The following ACTN4 variants were observed in gnomAD, a reference collection of about 807,000 sequenced individuals.
ACTN4 encodes the protein alpha-actinin-4.
A neutral mutation model predicts 114.2 loss-of-function variants in ACTN4; 18 were observed. The ratio of observed to expected loss-of-function variants is 0.16; its 90% CI spans 0.11 to 0.23. ACTN4 has a LOEUF of 0.23. ACTN4 is among the 10% of genes least tolerant of loss of function. The pLI, the probability that ACTN4 is intolerant of heterozygous loss-of-function variation, is 1.00. For missense variants in ACTN4, 722 were observed against 1,262.9 expected (o/e 0.57, Z 6.49); for synonymous variants, 515 against 506.3 (o/e 1.02, Z -0.23).
rs1409578264 is a variant in ACTN4 at position 38,729,628 on chromosome 19, A to C, written c.*196A>C. On this transcript the variant is annotated 3_prime_UTR_variant, in exon 21 of 21. Transcript: ENST00000252699. ...GGTTGGCCAGGAGGTTCCCCCGACCAGGTTGGGGAGACTTGGGGCCAGCGC... is the reference window on the plus strand; with the variant it reads ...GGTTGGCCAGGAGGTTCCCCCGACCCGGTTGGGGAGACTTGGGGCCAGCGC... 3.7e-6 allele frequency: 3 copies of C among 808,774 alleles called. No individual in the cohort carries two copies. The highest frequency in any genetic ancestry group is 4.1e-6 in the Non-Finnish European group (2 of 483,900). The allele number at this position is 808,774 out of a possible 1,614,324, so 50.1% of individuals were successfully genotyped here.
intron 19 of ACTN4, chr19:38,728,339 C>A: frequency 6.8e-7 from 1 of 1,472,260 alleles, no homozygotes; most frequent in Non-Finnish European, 9.1e-7. Flanking sequence ...GCATGGACTC[C>A]GATGACTTCA....
rs1969452856 is a variant in ACTN4, at chr19:38,730,123, CAAAAACCAAAAAAAAAAAAAATCA to C, written c.*692_*715del. 9.2e-6 allele frequency: 1 copy of C among 108,302 alleles called. No homozygotes were observed. Among genetic ancestry groups the C allele is most frequent in the African/African-American group, 3.5e-5 (1 of 28,780 alleles). 6.7% of individuals were successfully genotyped at this position (108,302 alleles called of 1,614,324 possible). ...AAAAAGGAAAAAAAACACAAAACAACAAAAACCAAAAAAAAAAAAAATCACAAAAACAAAAAAACTATAAAAAAG... is the reference window on the plus strand; with the variant it reads ...AAAAAGGAAAAAAAACACAAAACAACCAAAAACAAAAAAACTATAAAAAAG... On this transcript the variant is annotated 3_prime_UTR_variant, in exon 21 of 21. Coordinates refer to ENST00000252699, the MANE Select transcript of ACTN4 (RefSeq NM_004924.6).
Position 38,729,025 on chromosome 19 carries a change from C to G in ACTN4, c.2448C>G (p.Ser816Arg). ...QGEAEFNRIMSLVDPNHSGLV... is the reference protein window; with the variant it reads ...QGEAEFNRIMRLVDPNHSGLV... ...AGGCCGAGTTCAACCGCATCATGAGCCTGGTCGACCCCAACCATAGCGGCC... is the reference window on the plus strand; with the variant it reads ...AGGCCGAGTTCAACCGCATCATGAGGCTGGTCGACCCCAACCATAGCGGCC... The change falls in exon 20 of 21, where the codon AGC (serine) becomes AGG (arginine). Residue 816 changes from serine (S) to arginine (R), a missense_variant. Ser to Arg is a moderately radical substitution (Grantham distance 110). Around this residue, in one of 3 missense-constraint regions of ACTN4, gnomAD observed 523 missense variants for 875.9 expected, o/e 0.60. Transcript: ENST00000252699. 1 of 1,613,486 alleles carries G rather than the reference C, an allele frequency of 6.2e-7. No individual in the cohort carries two copies. Among genetic ancestry groups the G allele is most frequent in the African/African-American group, 1.3e-5 (1 of 75,054 alleles).
At position 38,719,612 on chromosome 19, in the gene ACTN4, C is replaced by T. The variant is rs979003714; in HGVS notation, c.1291+1538C>T. ...CCATGTGAGGAGAGCGTGTTAGCAC[C>T]GATGCCATCTTGTGTGGTTGGTGGC... On this transcript the variant is annotated intron_variant, in intron 11 of 20. Coordinates refer to ENST00000252699, the MANE Select transcript of ACTN4 (RefSeq NM_004924.6). Among the ~76,000 whole-genome samples, 17 of 152,364 alleles carry T rather than the reference C, an allele frequency of 1.1e-4. 1 individual carries two copies. In the South Asian group the frequency reaches 2.5e-3, roughly 22 times the overall value.
chr19:38,668,896 C>G lies in ACTN4; in HGVS notation c.162+20989C>G, dbSNP rs115707760. On this transcript the variant is annotated intron_variant, in intron 1 of 20. Coordinates refer to ENST00000252699, the MANE Select transcript of ACTN4 (RefSeq NM_004924.6). Reference sequence around the variant, plus strand: ...GGAGCTCAGGTGTTCAGAGCTGCCTCCCTTATAAATCGACCTCCAGGAGAG... The same window carrying G: ...GGAGCTCAGGTGTTCAGAGCTGCCTGCCTTATAAATCGACCTCCAGGAGAG... Among the ~76,000 whole-genome samples the G allele has an allele frequency of 3.9e-3, 596 of 152,124 alleles. 4 individuals are homozygous for G. The highest frequency in any genetic ancestry group is 0.014 in the African/African-American group (563 of 41,490).
chr19:38,723,232 G>A (rs1969108239), intron 12 of ACTN4, among the ~76,000 whole-genome samples: 1 of 152,136 alleles, frequency 6.6e-6, no homozygotes, highest in African/African-American at 2.4e-5. Context: ...TGGCTCGCCT[G>A]CTCCCCATGT....
At position 38,673,745 on chromosome 19, in the gene ACTN4, TTATATATATTTTTATA is replaced by T. The variant is rs1568691093; in HGVS notation, c.162+25850_162+25865del. Among the ~76,000 whole-genome samples the T allele has an allele frequency of 1.0e-4, 10 of 96,520 alleles. 2 individuals carry two copies. The highest frequency in any genetic ancestry group is 2.7e-4 in the East Asian group (1 of 3,638). The allele number at this position is 96,520 out of a possible 152,430, so 63.3% of individuals were successfully genotyped here. ...TATATACTTATATATATTTATATATTTATATATATTTTTATATATATATATTTATATATGTATAATT... is the reference window on the plus strand; with the variant it reads ...TATATACTTATATATATTTATATATTTATATATATTTATATATGTATAATT... On this transcript the variant is annotated intron_variant, in intron 1 of 20. Transcript: ENST00000252699.
intron 1 of ACTN4, among the ~76,000 whole-genome samples, chr19:38,666,216 G>A (rs1020675276): frequency 1.4e-4 from 19 of 131,494 alleles, no homozygotes; most frequent in African/African-American, 4.7e-4. Flanking sequence ...CTTCAACTTC[G>A]CCCCTGTCCC....
intron 1 of ACTN4, among the ~76,000 whole-genome samples, chr19:38,699,461 T>A (rs1444973127): frequency 6.6e-6 from 1 of 151,978 alleles, no homozygotes; most frequent in Non-Finnish European, 1.5e-5. Flanking sequence ...GTCTTAAAAA[T>A]AGGAAGGATA....
chr19:38,712,745 ACT>A, intron 8 of ACTN4, among the ~76,000 whole-genome samples: 1 of 151,914 alleles, frequency 6.6e-6, no homozygotes, highest in East Asian at 1.9e-4. Flanking sequence ...TTGCCATTGG[ACT>A]CACCCCTACG....
chr19:38,664,874 T>C (rs1489167240), intron 1 of ACTN4, among the ~76,000 whole-genome samples: 1 of 152,132 alleles, frequency 6.6e-6, no homozygotes, highest in Non-Finnish European at 1.5e-5. Flanking sequence ...ATTTGAGGCA[T>C]GTATTGCTTC....
intron 1 of ACTN4, chr19:38,693,715 C>G (rs1174105416): frequency 6.6e-6 from 1 of 152,292 alleles, no homozygotes; most frequent in Non-Finnish European, 1.5e-5. Flanking sequence ...CGCCCCACAT[C>G]CTGGCGGCTG....
chr19:38,710,217 G>A (rs369856377), intron 7 of ACTN4, 40 bp from the exon 8 acceptor site: 47 of 1,610,516 alleles, frequency 2.9e-5, no homozygotes, highest in South Asian at 1.4e-4. Context: ...TCCACCCCCC[G>A]CCCTACTCGG....
intron 11 of ACTN4, among the ~76,000 whole-genome samples, chr19:38,719,954 T>C (rs1599850186): frequency 6.6e-6 from 1 of 152,156 alleles, no homozygotes; most frequent in African/African-American, 2.4e-5. Flanking sequence ...CCTCCACACG[T>C]CCCTGCCCCA....
chr19:38,718,102 C>G (rs749109401), intron 11 of ACTN4, 28 bp downstream of exon 11: 2 of 1,587,388 alleles, frequency 1.3e-6, no homozygotes, highest in African/African-American at 2.7e-5. Flanking sequence ...CCCACTCTGC[C>G]CAGCCCCGCT....
intron 5 of ACTN4, 148 bp downstream of exon 5, chr19:38,706,279 T>A: frequency 1.2e-6 from 1 of 827,212 alleles, no homozygotes; most frequent in South Asian, 1.4e-5. Flanking sequence ...TACAAGCCCA[T>A]GGGAAGGTCA....
intron 1 of ACTN4, among the ~76,000 whole-genome samples, chr19:38,667,860 G>T (rs1273970674): frequency 6.6e-6 from 1 of 152,180 alleles, no homozygotes; most frequent in African/African-American, 2.4e-5. Flanking sequence ...CTGGCTGGAA[G>T]TCTAAGAGGT....
chr19:38,654,561 C>CA (rs35967763), intron 1 of ACTN4, among the ~76,000 whole-genome samples: 5,521 of 96,132 alleles, frequency 0.057, 258 homozygotes, highest in East Asian at 0.18. Context: ...GGCTCCGTCT[C>CA]AAAAAAAAAA....
rs558148567 is a variant in ACTN4 at position 38,664,133 on chromosome 19, C to T, written c.162+16226C>T. ...GGGTTGCCACAGCTCCTCTGTTGCC[C>T]TGCAACGCGGGTGGCCTAGGAGTGT... is the stretch of plus-strand genomic sequence containing the variant. On this transcript the variant is annotated intron_variant, in intron 1 of 20. Transcript: ENST00000252699. 2.6e-5 allele frequency among the ~76,000 whole-genome samples: 4 copies of T among 152,358 alleles called. No homozygotes were observed. In the South Asian group the frequency reaches 8.3e-4, roughly 32 times the overall value.
Sources: gnomAD v4.1 joint callset for allele counts (sites outside exome capture counted in the v4.1 genomes callset) on GRCh38, gnomAD v4.1.1 for gene constraint, gnomAD v4.1.1 regional missense constraint, MANE v1.5 for transcripts, NCBI Gene and HGNC (gene_info 2026-07-23, HGNC 2026-07-21) for gene names.